ATAD2: variants seen among roughly 807,000 people sequenced by gnomAD.
The protein encoded by ATAD2 is ATPase family AAA domain containing 2.
In ATAD2, 62 loss-of-function variants were observed where a neutral mutation model predicts 168.9. That is an observed-to-expected ratio of 0.37 (90% CI 0.30 to 0.45). The LOEUF (loss-of-function observed/expected upper bound fraction) is 0.45, where lower values mean the gene tolerates loss of function less well. Among genes scored for constraint, ATAD2 ranks in the 20% least tolerant of loss-of-function variants. The probability of loss-of-function intolerance (pLI) is 1.00; values close to 1 mark genes in which losing one functional copy is unlikely to be tolerated. For synonymous variants in ATAD2, 613 were observed against 571.6 expected, an observed-to-expected ratio of 1.07 and a Z score of -1.03; for missense variants, 1,419 against 1,667.8, an observed-to-expected ratio of 0.85 and a Z score of 2.60.
At chr8:123,406,696 A>G (rs376380435) in intron 1 of ATAD2, among the ~76,000 whole-genome samples, 3 of 151,362 alleles carry the variant, frequency 2.0e-5, no homozygotes, top group African/African-American at 7.3e-5. Flanking sequence ...GCACGCCAGT[A>G]CTCTTGGCTG....
chr8:123,334,474 G>A (rs1827860104), intron 22 of ATAD2, 152 bp from the exon 23 acceptor site: 11 of 799,698 alleles, frequency 1.4e-5, no homozygotes, highest in Non-Finnish European at 2.0e-5. Context: ...GTCCTATTCT[G>A]TTTCTGGAGC....
Position 123,328,423 on chromosome 8 carries a change from T to A in ATAD2, c.3635A>T (p.His1212Leu). Residue 1212 changes from histidine (H) to leucine (L), a missense_variant, in exon 25 of 28, where the codon CAT (histidine) becomes CTT (leucine). His to Leu is a moderately conservative substitution (Grantham distance 99). Transcript: ENST00000287394. ...CTCTCCTGTGTTTCCGGTCTCATTA[T>A]GATCTACACTTGTGTCTTGAGTTTC... ...TEETQDTSVD[H>L]NETGNTGESS... The A allele has an allele frequency of 6.3e-7, 1 of 1,578,874 alleles. No individual in the cohort carries two copies. Among genetic ancestry groups the A allele is most frequent in the South Asian group, 1.2e-5 (1 of 85,266 alleles).
chr8:123,388,915 C>T (rs970004480), intron 1 of ATAD2, among the ~76,000 whole-genome samples: 7 of 151,822 alleles, frequency 4.6e-5, no homozygotes, highest in Non-Finnish European at 8.8e-5. Context: ...CTTTAAAATA[C>T]AGGCATTGCT....
Position 123,349,268 on chromosome 8 carries a change from T to A in ATAD2, c.1806+17A>T, listed in dbSNP as rs747349063. ...GCAATATATTTTGTCAAAATTTGAG[T>A]GACATTAAATTCTTACCTCTTTATC... On this transcript the variant is annotated intron_variant, in intron 14 of 27. Transcript: ENST00000287394. The A allele has an allele frequency of 6.2e-7, 1 of 1,600,944 alleles. No individual in the cohort carries two copies. The highest frequency in any genetic ancestry group is 1.1e-5 in the South Asian group (1 of 89,028).
At chr8:123,396,086 AC>A in intron 1 of ATAD2, 100 bp downstream of exon 1, 1 of 1,306,814 alleles carries the variant, frequency 7.7e-7, no homozygotes, top group African/African-American at 1.6e-5. Flanking sequence ...GACAACTGTC[AC>A]CCTGACCGGC....
chr8:123,361,870 A>C (rs1444670168), intron 8 of ATAD2, among the ~76,000 whole-genome samples: 8 of 152,240 alleles, frequency 5.3e-5, no homozygotes, highest in Non-Finnish European at 1.2e-4. Context: ...GGCAGAGCTG[A>C]ATATCAAATG....
At chr8:123,330,467 C>T (rs1827748197) in intron 24 of ATAD2, among the ~76,000 whole-genome samples, 1 of 152,146 alleles carries the variant, frequency 6.6e-6, no homozygotes. Flanking sequence ...TGGTCTCACG[C>T]CATTCTCCTG....
rs1309942784 is a variant in ATAD2, at chr8:123,328,491, A to G, written c.3567T>C (p.Asp1189=). ...TTTTGTGATCTATGGCATTCTGGCTATCATCCTTTGCCTGTGAAATCTTCC... is the reference window on the plus strand; with the variant it reads ...TTTTGTGATCTATGGCATTCTGGCTGTCATCCTTTGCCTGTGAAATCTTCC... The part of the protein sequence containing the change: ...KRRKISQAKD[D]SQNAIDHKIE... Residue 1189 remains aspartate, a synonymous_variant, in exon 25 of 28, where the codon GAT becomes GAC. Coordinates refer to ENST00000287394, the MANE Select transcript of ATAD2 (RefSeq NM_014109.4). The G allele has an allele frequency of 1.2e-6, 2 of 1,606,340 alleles. No homozygotes were observed. Among genetic ancestry groups the G allele is most frequent in the Admixed American group, 3.4e-5 (2 of 58,802 alleles).
At chr8:123,347,038 T>C in intron 16 of ATAD2, 54 bp downstream of exon 16, 2 of 1,486,232 alleles carry the variant, frequency 1.3e-6, no homozygotes, top group Admixed American at 2.1e-5. Context: ...GTATGAAACA[T>C]TTCACTTTAC....
In ATAD2 at chr8:123,349,294, A is replaced by AG. The variant is rs1240306579; in HGVS notation, c.1796dup (p.Asp600Ter). ...GACATTAAATTCTTACCTCTTTATC[A>AG]GGCAGGCTAAAGAGGAATTCTCTAT... On this transcript the variant is annotated frameshift_variant, in exon 14 of 28. Coordinates refer to ENST00000287394, the MANE Select transcript of ATAD2 (RefSeq NM_014109.4). LOFTEE classifies it high-confidence loss of function. 1 of 1,612,414 alleles carries AG rather than the reference A, an allele frequency of 6.2e-7. No homozygotes were observed. The highest frequency in any genetic ancestry group is 8.5e-7 in the Non-Finnish European group (1 of 1,179,614).
chr8:123,340,994 G>A (rs1269798144), intron 19 of ATAD2, among the ~76,000 whole-genome samples: 5 of 151,084 alleles, frequency 3.3e-5, no homozygotes, highest in Admixed American at 6.6e-5. Flanking sequence ...CTAGGCTGGA[G>A]TGCAGTGGTG....
chr8:123,328,166 T>C, intron 25 of ATAD2, 24 bp downstream of exon 25: 1 of 1,351,922 alleles, frequency 7.4e-7, no homozygotes. Context: ...AATCAGTAAA[T>C]TATTTTAATT....
chr8:123,407,657 A>T (rs1017278058), intron 1 of ATAD2, among the ~76,000 whole-genome samples: 5 of 151,956 alleles, frequency 3.3e-5, no homozygotes, highest in Non-Finnish European at 7.4e-5. Context: ...TCAAGAGTTC[A>T]ACCTGGCCAA....
intron 27 of ATAD2, among the ~76,000 whole-genome samples, chr8:123,321,613 T>A (rs907222828): frequency 3.3e-5 from 5 of 152,000 alleles, no homozygotes; most frequent in African/African-American, 1.2e-4. Context: ...AATTTAGCAC[T>A]CTCTAGTGAA....
chr8:123,361,746 T>C, intron 8 of ATAD2, 100 bp from the exon 9 acceptor site: 1 of 910,296 alleles, frequency 1.1e-6, no homozygotes, highest in Non-Finnish European at 1.7e-6. Context: ...AAAAAGTTTA[T>C]CATAAAATTA....
intron 2 of ATAD2, among the ~76,000 whole-genome samples, chr8:123,376,907 A>G (rs970230191): frequency 6.6e-6 from 1 of 151,844 alleles, no homozygotes; most frequent in African/African-American, 2.4e-5. Context: ...AGTCTGGCCA[A>G]CATGGTGAAA....
At chr8:123,351,614 C>T (rs1043456975) in intron 13 of ATAD2, among the ~76,000 whole-genome samples, 2 of 152,128 alleles carry the variant, frequency 1.3e-5, no homozygotes, top group African/African-American at 4.8e-5. Context: ...GCTGAATTAC[C>T]CTCAATCATG....
chr8:123,383,722 G>A (rs942079021), intron 1 of ATAD2, among the ~76,000 whole-genome samples: 2 of 151,722 alleles, frequency 1.3e-5, no homozygotes, highest in Non-Finnish European at 2.9e-5. Flanking sequence ...GCGGTGAGCC[G>A]GGATCGTGCC....
intron 2 of ATAD2, among the ~76,000 whole-genome samples, chr8:123,376,553 C>CA (rs1045213229): frequency 3.3e-5 from 5 of 151,260 alleles, no homozygotes; most frequent in South Asian, 2.1e-4. Flanking sequence ...GACTCCATCT[C>CA]AAAAAAAATA....
Sources: gnomAD v4.1 joint callset for allele counts (sites outside exome capture counted in the v4.1 genomes callset) on GRCh38, gnomAD v4.1.1 for gene constraint, MANE v1.5 for transcripts, NCBI Gene and HGNC (gene_info 2026-07-23, HGNC 2026-07-21) for gene names.